HIVEP3: variants seen among roughly 807,000 people sequenced by gnomAD.
The protein encoded by HIVEP3 is transcription factor HIVEP3.
HIVEP3 carries 49 observed loss-of-function variants against 152.8 expected under a neutral mutation model. That is an observed-to-expected ratio of 0.32 (90% CI 0.26 to 0.41). The LOEUF (loss-of-function observed/expected upper bound fraction) is 0.41, where lower values mean the gene tolerates loss of function less well. Among genes scored for constraint, HIVEP3 ranks in the 10% least tolerant of loss-of-function variants. HIVEP3 has a pLI of 1.00. For synonymous variants in HIVEP3, 1,269 were observed against 1,289.0 expected, an observed-to-expected ratio of 0.98 and a Z score of 0.33; for missense variants, 2,790 against 3,103.3, an observed-to-expected ratio of 0.90 and a Z score of 2.40.
chr1:41,757,649 G>A (rs1417196208), intron 1 of HIVEP3, among the ~76,000 whole-genome samples: 1 of 151,956 alleles, frequency 6.6e-6, no homozygotes, highest in Non-Finnish European at 1.5e-5. Flanking sequence ...TGGTTGATTT[G>A]GTTGATTAAT....
chr1:41,632,608 T>G (rs1045617661), intron 2 of HIVEP3, among the ~76,000 whole-genome samples: 3 of 151,704 alleles, frequency 2.0e-5, no homozygotes, highest in African/African-American at 7.3e-5. Context: ...ATACAAAAAT[T>G]AGCCAGGCGT....
Position 41,907,695 on chromosome 1 carries a change from A to C in HIVEP3, c.-801+10718T>G, listed in dbSNP as rs950599376. Among the ~76,000 whole-genome samples, 9 of 152,220 alleles carry C rather than the reference A, an allele frequency of 5.9e-5. No individual in the cohort carries two copies. The East Asian group carries it at 1.7e-3, about 29-fold the overall frequency. Reference sequence around the variant, plus strand: ...GACAACCCAACTGTCCCTTGCGCAGAAGTTACACCAAGAAGTGAGCAGCAG... The same window carrying C: ...GACAACCCAACTGTCCCTTGCGCAGCAGTTACACCAAGAAGTGAGCAGCAG... On this transcript the variant is annotated intron_variant, in intron 1 of 8. Coordinates refer to ENST00000372583, the MANE Select transcript of HIVEP3 (RefSeq NM_024503.5).
intron 3 of HIVEP3, among the ~76,000 whole-genome samples, chr1:41,620,159 G>A (rs78256024): frequency 0.03 from 4,497 of 152,284 alleles, 221 homozygotes; most frequent in African/African-American, 0.1. Context: ...GCCAAACAGA[G>A]CCCGAACAGA....
intron 1 of HIVEP3, among the ~76,000 whole-genome samples, chr1:41,792,215 A>C (rs1649739997): frequency 6.6e-6 from 1 of 152,156 alleles, no homozygotes; most frequent in African/African-American, 2.4e-5. Context: ...GCACAAGTAA[A>C]GTTGTTCAGG....
At chr1:42,022,312 A>C (rs922698619) in intron 1 of HIVEP3, among the ~76,000 whole-genome samples, 44 of 151,980 alleles carry the variant, frequency 2.9e-4, no homozygotes, top group Non-Finnish European at 8.8e-5. Context: ...AAGCACCTTA[A>C]ATTTTTATTT....
intron 5 of HIVEP3, among the ~76,000 whole-genome samples, chr1:41,529,095 C>G (rs1255912216): frequency 2.1e-5 from 3 of 142,296 alleles, no homozygotes; most frequent in Non-Finnish European, 4.6e-5. Context: ...TCACCCCACA[C>G]CCTCACACAT....
rs1212650727 is a variant in HIVEP3 at position 41,582,419 on chromosome 1, C to A, written c.2379G>T (p.Thr793=). Residue 793 remains threonine, a synonymous_variant, in exon 4 of 9, where the codon ACG becomes ACT. Transcript: ENST00000372583. The surrounding 1 kb of genome is among the most constrained non-coding windows in gnomAD (Gnocchi z 4.7). ...GSESGKERRT[T]SKEISVIQHT... ...GCTGGATGACAGAAATTTCTTTGGA[C>A]GTTGTTCTCCTCTCCTTCCCTGATT... is the stretch of plus-strand genomic sequence containing the variant. 1.2e-6 allele frequency: 2 copies of A among 1,614,166 alleles called. No homozygotes were observed. Among genetic ancestry groups the A allele is most frequent in the Admixed American group, 1.7e-5 (1 of 60,024 alleles).
chr1:41,947,490 C>T (rs923624933), intron 1 of HIVEP3, among the ~76,000 whole-genome samples: 14 of 152,166 alleles, frequency 9.2e-5, no homozygotes, highest in African/African-American at 2.9e-4. Flanking sequence ...AGGCTTCTGC[C>T]GAATATGGAT....
intron 1 of HIVEP3, among the ~76,000 whole-genome samples, chr1:41,822,560 T>A (rs2124344034): frequency 1.3e-5 from 2 of 152,308 alleles, no homozygotes; most frequent in Admixed American, 1.3e-4. Context: ...ATAAGAGTGG[T>A]TAGAGGTTCT....
chr1:41,754,925 C>A (rs1163643202), intron 1 of HIVEP3, among the ~76,000 whole-genome samples: 2 of 152,140 alleles, frequency 1.3e-5, no homozygotes, highest in Admixed American at 1.3e-4. Flanking sequence ...ATTAGTACCA[C>A]CTTTCAGGAG....
chr1:42,016,934 G>T (rs1310295884), intron 1 of HIVEP3, among the ~76,000 whole-genome samples: 1 of 151,992 alleles, frequency 6.6e-6, no homozygotes, highest in Non-Finnish European at 1.5e-5. Flanking sequence ...TGTACTGTTA[G>T]GTCAAATAGT....
chr1:41,534,917 C>T (rs1454792102), intron 5 of HIVEP3, among the ~76,000 whole-genome samples: 1 of 152,210 alleles, frequency 6.6e-6, no homozygotes, highest in Admixed American at 6.5e-5. Flanking sequence ...CTTGGTTCTG[C>T]TCTTGTTGGA....
chr1:41,718,078 A>G (rs1296146177), intron 1 of HIVEP3, among the ~76,000 whole-genome samples: 1 of 152,248 alleles, frequency 6.6e-6, no homozygotes, highest in African/African-American at 2.4e-5. Context: ...TTAGCATCCA[A>G]GGATTCGGAA....
chr1:41,563,661 A>G (rs1308282832), intron 5 of HIVEP3, among the ~76,000 whole-genome samples: 1 of 152,176 alleles, frequency 6.6e-6, no homozygotes, highest in Non-Finnish European at 1.5e-5. Context: ...CCACTCTTAA[A>G]CATGAGAAGA....
chr1:41,859,293 T>A (rs377391332), intron 1 of HIVEP3, among the ~76,000 whole-genome samples: 1 of 152,148 alleles, frequency 6.6e-6, no homozygotes, highest in Middle Eastern at 3.2e-3. Flanking sequence ...CAATGAAAAT[T>A]TGGTAAATGA....
At chr1:41,976,191 C>T (rs978711179) in intron 1 of HIVEP3, among the ~76,000 whole-genome samples, 4 of 152,164 alleles carry the variant, frequency 2.6e-5, no homozygotes, top group African/African-American at 9.7e-5. Flanking sequence ...GAAAGTTTAC[C>T]ACCACTCTTG....
At chr1:41,941,427 C>A (rs1451403974) in intron 1 of HIVEP3, among the ~76,000 whole-genome samples, 1 of 152,144 alleles carries the variant, frequency 6.6e-6, no homozygotes, top group Non-Finnish European at 1.5e-5. Context: ...ACAGACACTT[C>A]TTCCATCACA....
At chr1:41,750,762 GAT>G (rs1647148459) in intron 1 of HIVEP3, among the ~76,000 whole-genome samples, 1 of 150,880 alleles carries the variant, frequency 6.6e-6, no homozygotes. Context: ...GCAATGGTGC[GAT>G]CTCAGCTCAC....
chr1:41,676,671 T>C (rs1386433598), intron 2 of HIVEP3, among the ~76,000 whole-genome samples: 1 of 152,218 alleles, frequency 6.6e-6, no homozygotes, highest in Non-Finnish European at 1.5e-5. Flanking sequence ...CTCTCCCCTT[T>C]CTTCTGGCAA....
Sources: gnomAD v4.1 joint callset for allele counts (sites outside exome capture counted in the v4.1 genomes callset) on GRCh38, gnomAD v4.1.1 for gene constraint, Gnocchi (gnomAD v3.1) non-coding constraint, MANE v1.5 for transcripts, NCBI Gene and HGNC (gene_info 2026-07-23, HGNC 2026-07-21) for gene names.